Variants in CACNA2D3 observed in about 807,000 individuals in gnomAD.
The protein encoded by CACNA2D3 is calcium voltage-gated channel auxiliary subunit alpha2delta 3, also known as voltage-dependent calcium channel subunit alpha-2/delta-3.
Under a neutral mutation model 160.6 loss-of-function variants are expected in CACNA2D3, and 60 were observed. The observed-to-expected ratio is 0.37, with a 90% CI of 0.30 to 0.46. The LOEUF (loss-of-function observed/expected upper bound fraction) is 0.46. Ranked by LOEUF, CACNA2D3 falls within the 20% of genes least tolerant of loss-of-function variation. The pLI is 1.00. For missense variants in CACNA2D3, 1,205 were observed against 1,365.0 expected (o/e 0.88, Z 1.85); for synonymous variants, 558 against 492.9 (o/e 1.13, Z -1.75).
chr3:54,675,595 A>G (rs532462250), intron 11 of CACNA2D3, among the ~76,000 whole-genome samples: 2 of 152,258 alleles, frequency 1.3e-5, no homozygotes, highest in South Asian at 4.1e-4. Flanking sequence ...TCTGCTTAGT[A>G]CAGTGCTGAA....
At chr3:54,367,686 G>A (rs1698850772) in intron 3 of CACNA2D3, 1 of 202,236 alleles carries the variant, frequency 4.9e-6, no homozygotes, top group Non-Finnish European at 1.1e-5. Flanking sequence ...CCAGATTTTT[G>A]GTAGTCCTCC....
chr3:54,871,960 C>T (rs1699546244), intron 18 of CACNA2D3, among the ~76,000 whole-genome samples: 2 of 152,176 alleles, frequency 1.3e-5, no homozygotes, highest in Admixed American at 6.5e-5. Context: ...CCTGGCTGGG[C>T]AACAGCAGGC....
chr3:55,023,004 A>G (rs452967), intron 35 of CACNA2D3, among the ~76,000 whole-genome samples: 66,120 of 151,726 alleles, frequency 0.44, 15,976 homozygotes, highest in African/African-American at 0.66. Context: ...ATTTAAAAAA[A>G]GCATTGCTTT....
At chr3:55,034,325 G>T (rs564892110) in intron 35 of CACNA2D3, among the ~76,000 whole-genome samples, 1 of 151,620 alleles carries the variant, frequency 6.6e-6, no homozygotes, top group East Asian at 1.9e-4. Flanking sequence ...TATGTTTTAA[G>T]GTTATTTATA....
At chr3:54,592,170 T>C (rs558008796) in intron 9 of CACNA2D3, among the ~76,000 whole-genome samples, 2 of 152,300 alleles carry the variant, frequency 1.3e-5, no homozygotes, top group South Asian at 2.1e-4. Context: ...ATTTAAATTA[T>C]AACAGCCTTT....
intron 27 of CACNA2D3, among the ~76,000 whole-genome samples, chr3:54,942,817 G>A (rs775572374): frequency 6.6e-6 from 1 of 152,122 alleles, no homozygotes; most frequent in Non-Finnish European, 1.5e-5. Context: ...AAGGTCAGGA[G>A]ATTGAGACAA....
At chr3:54,297,656 A>G (rs1489933243) in intron 2 of CACNA2D3, among the ~76,000 whole-genome samples, 4 of 150,818 alleles carry the variant, frequency 2.7e-5, no homozygotes, top group Non-Finnish European at 5.9e-5. Context: ...AACCTGTTCC[A>G]TCTTCTCAAA....
chr3:54,181,334 T>A (rs1394924266), intron 2 of CACNA2D3, among the ~76,000 whole-genome samples: 15 of 152,160 alleles, frequency 9.9e-5, no homozygotes, highest in Non-Finnish European at 4.4e-5. Flanking sequence ...GTAAATAAAC[T>A]TCCCTAAGGA....
At chr3:54,320,748 G>C (rs908924334) in intron 3 of CACNA2D3, among the ~76,000 whole-genome samples, 190 bp downstream of exon 3, 7 of 152,224 alleles carry the variant, frequency 4.6e-5, no homozygotes, top group African/African-American at 1.7e-4. Context: ...TTTTCATAGA[G>C]GGTTCCTGTG....
At chr3:54,990,520 G>C (rs1702715747) in intron 31 of CACNA2D3, among the ~76,000 whole-genome samples, 1 of 152,136 alleles carries the variant, frequency 6.6e-6, no homozygotes, top group African/African-American at 2.4e-5. Flanking sequence ...GACAGAGCGA[G>C]ACTCCATCTC....
rs145959947 is a variant in CACNA2D3, at chr3:54,891,640, C to T, written c.2246+190C>T. The stretch of plus-strand genomic sequence containing the variant: ...ATGTGCTTTCACCTGCCTGTTAGCC[C>T]TTCCACCACCCTTTGTTCCTCAGGC... On this transcript the variant is annotated intron_variant, in intron 25 of 37. Coordinates refer to ENST00000474759, the MANE Select transcript of CACNA2D3 (RefSeq NM_018398.3). 3.3e-3 allele frequency among the ~76,000 whole-genome samples: 501 copies of T among 152,338 alleles called. 4 individuals are homozygous for T. The highest frequency in any genetic ancestry group is 0.011 in the African/African-American group (476 of 41,578).
chr3:54,484,472 A>G (rs1238164163), intron 4 of CACNA2D3, among the ~76,000 whole-genome samples: 1 of 152,142 alleles, frequency 6.6e-6, no homozygotes, highest in African/African-American at 2.4e-5. Context: ...AAAATTTGTT[A>G]CCGTGGTAAC....
intron 4 of CACNA2D3, among the ~76,000 whole-genome samples, chr3:54,464,772 C>A (rs982777021): frequency 1.3e-5 from 2 of 152,226 alleles, no homozygotes; most frequent in Non-Finnish European, 2.9e-5. Flanking sequence ...GCACGGTGCG[C>A]TGCACGCACT....
chr3:54,225,572 A>G (rs536925705), intron 2 of CACNA2D3, among the ~76,000 whole-genome samples: 13 of 152,282 alleles, frequency 8.5e-5, no homozygotes, highest in Admixed American at 6.5e-4. Context: ...TTAACATTGT[A>G]TCTGATTTAC....
chr3:54,169,529 T>C (rs1366000719), intron 2 of CACNA2D3, among the ~76,000 whole-genome samples: 6 of 152,028 alleles, frequency 3.9e-5, no homozygotes, highest in African/African-American at 1.5e-4. Flanking sequence ...CTTGCCCTCA[T>C]GAAGCTCATG....
At chr3:54,189,703 G>C (rs1004428955) in intron 2 of CACNA2D3, among the ~76,000 whole-genome samples, 5 of 152,090 alleles carry the variant, frequency 3.3e-5, no homozygotes, top group African/African-American at 1.2e-4. Context: ...AGGTCTGCTG[G>C]GAGTTCCTTC....
intron 27 of CACNA2D3, among the ~76,000 whole-genome samples, chr3:54,927,357 C>A (rs1403096713): frequency 1.3e-5 from 2 of 152,166 alleles, no homozygotes; most frequent in African/African-American, 4.8e-5. Flanking sequence ...TATCAAAGAG[C>A]AAAACCACTG....
intron 11 of CACNA2D3, among the ~76,000 whole-genome samples, chr3:54,683,256 A>G (rs564564902): frequency 3.5e-4 from 53 of 152,336 alleles, no homozygotes; most frequent in Middle Eastern, 3.4e-3. Flanking sequence ...AGCTCCCCAC[A>G]GATAGAGGTG....
At chr3:55,010,985 A>T (rs1452637664) in intron 34 of CACNA2D3, among the ~76,000 whole-genome samples, 1 of 152,234 alleles carries the variant, frequency 6.6e-6, no homozygotes, top group Non-Finnish European at 1.5e-5. Flanking sequence ...TGCTGATTCA[A>T]TATCCTAACA....
Sources: gnomAD v4.1 joint callset for allele counts (sites outside exome capture counted in the v4.1 genomes callset) on GRCh38, gnomAD v4.1.1 for gene constraint, MANE v1.5 for transcripts, NCBI Gene and HGNC (gene_info 2026-07-23, HGNC 2026-07-21) for gene names.